MYO3A: variants seen among roughly 807,000 people sequenced by gnomAD.
MYO3A encodes myosin-IIIa.
A neutral mutation model predicts 192.7 loss-of-function variants in MYO3A; 180 were observed. The ratio of observed to expected loss-of-function variants is 0.93; its 90% CI spans 0.83 to 1.06. The LOEUF (loss-of-function observed/expected upper bound fraction) is 1.06, where lower values mean the gene tolerates loss of function less well. MYO3A is among the 50% of genes least tolerant of loss of function. The pLI, the probability that MYO3A is intolerant of heterozygous loss-of-function variation, is 0.00. For missense variants in MYO3A, 1,896 were observed against 1,905.0 expected (o/e 1.00, Z 0.09); for synonymous variants, 628 against 645.3 (o/e 0.97, Z 0.41).
chr10:26,083,036 C>A (rs1836069430), intron 14 of MYO3A, among the ~76,000 whole-genome samples: 1 of 152,162 alleles, frequency 6.6e-6, no homozygotes, highest in South Asian at 2.1e-4. Flanking sequence ...TAGTAGACCG[C>A]AGCATACAAT....
At chr10:26,127,836 A>G (rs2131744747) in intron 19 of MYO3A, among the ~76,000 whole-genome samples, 1 of 152,018 alleles carries the variant, frequency 6.6e-6, no homozygotes, top group South Asian at 2.1e-4. Context: ...ATGTAAAAAT[A>G]AATCCCTATG....
intron 26 of MYO3A, among the ~76,000 whole-genome samples, chr10:26,161,525 T>C (rs925517769): frequency 2.0e-5 from 3 of 152,152 alleles, no homozygotes; most frequent in Middle Eastern, 3.2e-3. Flanking sequence ...AGTAGATAAG[T>C]ACCATGCTTT....
At chr10:26,168,912 C>A (rs745317592) in intron 28 of MYO3A, 38 bp downstream of exon 28, 1 of 1,573,036 alleles carries the variant, frequency 6.4e-7, no homozygotes, top group Non-Finnish European at 8.7e-7. Flanking sequence ...GTCATAAAAT[C>A]AAATCTTATA....
rs145930203 is a variant in MYO3A at position 26,026,375 on chromosome 10, A to G, written c.798-2A>G. 8.1e-6 allele frequency: 13 copies of G among 1,613,924 alleles called. No individual in the cohort carries two copies. The highest frequency in any genetic ancestry group is 1.0e-5 in the Non-Finnish European group (12 of 1,179,954). ...ATTGCATGTTCTTTTTTGCCAGTGC[A>G]GGTGCTTGACTAAAGATTATGAAAA... is the stretch of plus-strand genomic sequence containing the variant. On this transcript the variant is annotated splice_acceptor_variant, in intron 9 of 34. Coordinates refer to ENST00000642920, the MANE Select transcript of MYO3A (RefSeq NM_017433.5). LOFTEE classifies it high-confidence loss of function.
At chr10:26,070,461 A>C in intron 14 of MYO3A, 60 bp downstream of exon 14, 6 of 1,347,858 alleles carry the variant, frequency 4.5e-6, no homozygotes, top group Non-Finnish European at 5.3e-6. Flanking sequence ...ATAACTTAAT[A>C]TAACTGATTA....
At chr10:26,104,305 T>C (rs1837655281) in intron 17 of MYO3A, among the ~76,000 whole-genome samples, 1 of 152,142 alleles carries the variant, frequency 6.6e-6, no homozygotes, top group South Asian at 2.1e-4. Flanking sequence ...GCTTTCTTCT[T>C]ATAGTTGTAT....
chr10:25,994,533 T>C (rs1840290644), intron 4 of MYO3A, among the ~76,000 whole-genome samples: 1 of 152,212 alleles, frequency 6.6e-6, no homozygotes, highest in African/African-American at 2.4e-5. Flanking sequence ...AATATTGTTA[T>C]GTGTGAATTT....
In MYO3A at chr10:26,195,141, T is replaced by A. The variant is rs115931639; in HGVS notation, c.4545+1830T>A. Among the ~76,000 whole-genome samples, 1,243 of 152,314 alleles carry A rather than the reference T, an allele frequency of 8.2e-3. 14 individuals carry two copies. Among genetic ancestry groups the A allele is most frequent in the African/African-American group, 0.026 (1,090 of 41,562 alleles). On this transcript the variant is annotated intron_variant, in intron 32 of 34. Transcript: ENST00000642920. ...GATCACCAATCTAGTTTTCTGTTTC[T>A]GTAGATTTGCCTATTCTGGACATTT...
chr10:26,157,572 A>G, intron 26 of MYO3A, 57 bp downstream of exon 26: 1 of 1,547,314 alleles, frequency 6.5e-7, no homozygotes, highest in Non-Finnish European at 8.9e-7. Context: ...ATCATTCAGA[A>G]GAATTATAAG....
chr10:26,143,844 G>A (rs765800590), intron 21 of MYO3A, among the ~76,000 whole-genome samples: 26 of 152,148 alleles, frequency 1.7e-4, no homozygotes, highest in Non-Finnish European at 3.7e-4. Context: ...TTGTGGTGAA[G>A]CTCAACCATA....
chr10:26,198,847 A>C (rs944776344), intron 32 of MYO3A, among the ~76,000 whole-genome samples: 3 of 152,178 alleles, frequency 2.0e-5, no homozygotes, highest in Admixed American at 1.3e-4. Context: ...CTCTGGTTCT[A>C]CAGGAAATTG....
chr10:26,210,986 A>G (rs1254395376), intron 34 of MYO3A, among the ~76,000 whole-genome samples: 3 of 151,026 alleles, frequency 2.0e-5, no homozygotes, highest in Admixed American at 6.6e-5. Flanking sequence ...ACACATGCAC[A>G]CACACACACA....
intron 4 of MYO3A, among the ~76,000 whole-genome samples, chr10:25,994,317 C>G (rs1840273880): frequency 6.6e-6 from 1 of 152,136 alleles, no homozygotes; most frequent in African/African-American, 2.4e-5. Context: ...TCTGTTTTAT[C>G]AGAGACTAGG....
chr10:26,130,499 T>C (rs1267107930), intron 20 of MYO3A, among the ~76,000 whole-genome samples: 1 of 152,208 alleles, frequency 6.6e-6, no homozygotes, highest in East Asian at 1.9e-4. Flanking sequence ...ACAAAACTTA[T>C]TCTATAAAGC....
chr10:26,107,938 T>C (rs1432373059), intron 17 of MYO3A, among the ~76,000 whole-genome samples: 1 of 152,166 alleles, frequency 6.6e-6, no homozygotes, highest in Non-Finnish European at 1.5e-5. Flanking sequence ...TTGTTTCTTC[T>C]GTTCTTTTTT....
intron 4 of MYO3A, among the ~76,000 whole-genome samples, chr10:25,959,736 T>G (rs1193985582): frequency 1.3e-5 from 2 of 152,076 alleles, no homozygotes; most frequent in Non-Finnish European, 2.9e-5. Context: ...TTTGCTGATG[T>G]CACCAAATCT....
At position 26,164,486 on chromosome 10, in the gene MYO3A, C is replaced by T. The variant is rs576202251; in HGVS notation, c.3000-1581C>T. Among the ~76,000 whole-genome samples the T allele has an allele frequency of 3.3e-5, 5 of 152,208 alleles. No homozygotes were observed. The East Asian group carries it at 7.7e-4, about 24-fold the overall frequency. ...GGCTTCCAGTGATATAGTAGAGAAG[C>T]TTGTCTGCTGAGAGAGGTACGGAGG... On this transcript the variant is annotated intron_variant, in intron 26 of 34. Coordinates refer to ENST00000642920, the MANE Select transcript of MYO3A (RefSeq NM_017433.5).
Position 26,192,482 on chromosome 10 carries a change from A to C in MYO3A, c.4439-723A>C, listed in dbSNP as rs552623358. The stretch of plus-strand genomic sequence containing the variant: ...GTGAGGCTGGTACAAGGGGGAGGGA[A>C]GGGACAGAAGAGGTTCTGTGAGCAT... On this transcript the variant is annotated intron_variant, in intron 31 of 34. Transcript: ENST00000642920. Among the ~76,000 whole-genome samples the C allele has an allele frequency of 2.6e-5, 4 of 152,212 alleles. No individual in the cohort carries two copies. The South Asian group carries it at 8.3e-4, about 32-fold the overall frequency.
intron 34 of MYO3A, among the ~76,000 whole-genome samples, chr10:26,206,879 T>C (rs1843983533): frequency 6.6e-6 from 1 of 152,246 alleles, no homozygotes; most frequent in Admixed American, 6.5e-5. Context: ...CTTTCATGTT[T>C]TTTATAGTAG....
Sources: gnomAD v4.1 joint callset for allele counts (sites outside exome capture counted in the v4.1 genomes callset) on GRCh38, gnomAD v4.1.1 for gene constraint, MANE v1.5 for transcripts, NCBI Gene and HGNC (gene_info 2026-07-23, HGNC 2026-07-21) for gene names.